The following GALNT18 variants were observed in gnomAD, a reference collection of about 807,000 sequenced individuals.
The protein encoded by GALNT18 is GalNAc-transferase 18.
GALNT18 carries 44 observed loss-of-function variants against 69.5 expected under a neutral mutation model. The ratio of observed to expected loss-of-function variants is 0.63; its 90% CI spans 0.50 to 0.81. The LOEUF is 0.81. Among genes scored for constraint, GALNT18 ranks in the 40% least tolerant of loss-of-function variants. The pLI, the probability that GALNT18 is intolerant of heterozygous loss-of-function variation, is 0.00. For synonymous variants in GALNT18, 364 were observed against 318.2 expected, an observed-to-expected ratio of 1.14 and a Z score of -1.53; for missense variants, 715 against 810.0, an observed-to-expected ratio of 0.88 and a Z score of 1.42.
chr11:11,296,921 C>CA (rs1849412532), intron 9 of GALNT18, among the ~76,000 whole-genome samples: 1 of 152,172 alleles, frequency 6.6e-6, no homozygotes, highest in South Asian at 2.1e-4. Flanking sequence ...TGCTCGAACA[C>CA]AAAAAAGGTG....
intron 1 of GALNT18, among the ~76,000 whole-genome samples, chr11:11,476,677 G>A (rs34203081): frequency 6.6e-6 from 1 of 152,072 alleles, no homozygotes; most frequent in Non-Finnish European, 1.5e-5. Flanking sequence ...CTTTTCAGGA[G>A]CGATTGCTCA....
Position 11,576,709 on chromosome 11 carries a change from G to A in GALNT18, c.235+44650C>T, listed in dbSNP as rs115272210. 4.6e-3 allele frequency among the ~76,000 whole-genome samples: 684 copies of A among 149,768 alleles called. 3 individuals are homozygous for A. The highest frequency in any genetic ancestry group is 0.017 in the African/African-American group (656 of 39,132). Reference sequence around the variant, plus strand: ...AGGGGCTGGGCCTGTTCCCTTAGCCGGGTTAGTGCATGGCACTAATGAGAT... The same window carrying A: ...AGGGGCTGGGCCTGTTCCCTTAGCCAGGTTAGTGCATGGCACTAATGAGAT... On this transcript the variant is annotated intron_variant, in intron 1 of 10. Coordinates refer to ENST00000227756, the MANE Select transcript of GALNT18 (RefSeq NM_198516.3).
chr11:11,576,396 G>C (rs1322302221), intron 1 of GALNT18, among the ~76,000 whole-genome samples: 1 of 152,240 alleles, frequency 6.6e-6, no homozygotes, highest in African/African-American at 2.4e-5. Flanking sequence ...AAAGAGATCA[G>C]CCACAAGATG....
intron 2 of GALNT18, among the ~76,000 whole-genome samples, chr11:11,442,900 C>T (rs1855563943): frequency 6.6e-6 from 1 of 152,212 alleles, no homozygotes; most frequent in Admixed American, 6.5e-5. Context: ...ACTGATAAGG[C>T]TCAGGAGCCT....
chr11:11,480,039 G>A lies in GALNT18; in HGVS notation c.236-31103C>T, dbSNP rs1351919972. 6.6e-6 allele frequency among the ~76,000 whole-genome samples: 1 copy of A among 152,076 alleles called. No homozygotes were observed. Among genetic ancestry groups the A allele is most frequent in the Non-Finnish European group, 1.5e-5 (1 of 68,026 alleles). ...CACCAGGAGGCTAGAGAAGAGAGAT[G>A]GGAGAGTTTGTAGATCTTGGAGCGG... On this transcript the variant is annotated intron_variant, in intron 1 of 10. Coordinates refer to ENST00000227756, the MANE Select transcript of GALNT18 (RefSeq NM_198516.3). This position sits in a 1 kb window ranked among gnomAD's most constrained non-coding sequence, Gnocchi z 4.6.
rs565348522 is a variant in GALNT18 at position 11,500,975 on chromosome 11, G to A, written c.236-52039C>T. ...CAGGGGCCTTGGGGCAACACCTGTC[G>A]CAGACTGGAAACTGGGCAGAACAGC... On this transcript the variant is annotated intron_variant, in intron 1 of 10. Coordinates refer to ENST00000227756, the MANE Select transcript of GALNT18 (RefSeq NM_198516.3). This position sits in a 1 kb window ranked among gnomAD's most constrained non-coding sequence, Gnocchi z 5.0. 9.2e-5 allele frequency among the ~76,000 whole-genome samples: 14 copies of A among 152,310 alleles called. No individual in the cohort carries two copies. Among genetic ancestry groups the A allele is most frequent in the South Asian group, 4.1e-4 (2 of 4,830 alleles).
At chr11:11,561,248 T>A (rs1191398859) in intron 1 of GALNT18, among the ~76,000 whole-genome samples, 1 of 152,140 alleles carries the variant, frequency 6.6e-6, no homozygotes, top group South Asian at 2.1e-4. Context: ...CTAGCCACCT[T>A]CTCTTAATAG....
At chr11:11,391,962 T>G (rs140994248) in intron 3 of GALNT18, among the ~76,000 whole-genome samples, 1 of 152,342 alleles carries the variant, frequency 6.6e-6, no homozygotes, top group East Asian at 1.9e-4. Flanking sequence ...GTGTTTCGTT[T>G]TCATAAATAT....
At chr11:11,464,529 G>A (rs974870451) in intron 1 of GALNT18, among the ~76,000 whole-genome samples, 5 of 152,190 alleles carry the variant, frequency 3.3e-5, no homozygotes, top group Admixed American at 2.6e-4. Context: ...TCAGAAAGAA[G>A]CTCCCTCGTG....
intron 1 of GALNT18, among the ~76,000 whole-genome samples, chr11:11,474,691 A>T (rs1468031968): frequency 6.6e-6 from 1 of 152,242 alleles, no homozygotes; most frequent in East Asian, 1.9e-4. Context: ...TTCAACAATC[A>T]TTGGAGATCA....
At chr11:11,277,420 G>T (rs1011879940) in intron 10 of GALNT18, among the ~76,000 whole-genome samples, 3 of 151,630 alleles carry the variant, frequency 2.0e-5, no homozygotes, top group African/African-American at 7.3e-5. Context: ...TCTGGCTAGT[G>T]GTCTATTTTG....
chr11:11,330,464 G>A (rs1849998695), intron 8 of GALNT18, among the ~76,000 whole-genome samples: 1 of 152,214 alleles, frequency 6.6e-6, no homozygotes. Context: ...ACGTGTCTCT[G>A]CTTATGTAGG....
chr11:11,579,182 C>T (rs566977275), intron 1 of GALNT18, among the ~76,000 whole-genome samples: 111 of 152,288 alleles, frequency 7.3e-4, no homozygotes, highest in Non-Finnish European at 5.0e-4. Context: ...AGCTGAGTGG[C>T]GGTGATGGCA....
chr11:11,558,165 ATT>A (rs1181954699), intron 1 of GALNT18, among the ~76,000 whole-genome samples: 2 of 152,170 alleles, frequency 1.3e-5, no homozygotes, highest in African/African-American at 4.8e-5. Context: ...TCAGATCCCC[ATT>A]TCTTTTTTAC....
At position 11,598,005 on chromosome 11, in the gene GALNT18, C is replaced by T. The variant is rs1385042854; in HGVS notation, c.235+23354G>A. Reference sequence around the variant, plus strand: ...TGCCTTTGTCAGTCTATCTAAAGTTCTGTCCATTTTATTGACCTTTTCAAA... The same window carrying T: ...TGCCTTTGTCAGTCTATCTAAAGTTTTGTCCATTTTATTGACCTTTTCAAA... On this transcript the variant is annotated intron_variant, in intron 1 of 10. Coordinates refer to ENST00000227756, the MANE Select transcript of GALNT18 (RefSeq NM_198516.3). The surrounding 1 kb of genome is among the most constrained non-coding windows in gnomAD (Gnocchi z 4.8). Among the ~76,000 whole-genome samples the T allele has an allele frequency of 1.3e-5, 2 of 152,208 alleles. No individual in the cohort carries two copies. Among genetic ancestry groups the T allele is most frequent in the African/African-American group, 2.4e-5 (1 of 41,538 alleles).
chr11:11,603,061 T>C lies in GALNT18; in HGVS notation c.235+18298A>G, dbSNP rs899713699. Among the ~76,000 whole-genome samples, 4 of 152,246 alleles carry C rather than the reference T, an allele frequency of 2.6e-5. No homozygotes were observed. The highest frequency in any genetic ancestry group is 9.6e-5 in the African/African-American group (4 of 41,472). On this transcript the variant is annotated intron_variant, in intron 1 of 10. Coordinates refer to ENST00000227756, the MANE Select transcript of GALNT18 (RefSeq NM_198516.3). This position sits in a 1 kb window ranked among gnomAD's most constrained non-coding sequence, Gnocchi z 4.5. ...GTTATCCTGAAAAGTTCAAAGGGAC[T>C]ATTGGCTGGTACAAAGTCTTCTTTG...
rs1363113202 is a variant in GALNT18, at chr11:11,383,765, C to T, written c.596-4501G>A. Reference sequence around the variant, plus strand: ...GGGGCAGTTTCCCACACGCTGTTCTCATGATAGTGAGTGAGTTCTCATGAG... The same window carrying T: ...GGGGCAGTTTCCCACACGCTGTTCTTATGATAGTGAGTGAGTTCTCATGAG... On this transcript the variant is annotated intron_variant, in intron 3 of 10. Coordinates refer to ENST00000227756, the MANE Select transcript of GALNT18 (RefSeq NM_198516.3). This position sits in a 1 kb window ranked among gnomAD's most constrained non-coding sequence, Gnocchi z 5.2. Among the ~76,000 whole-genome samples the T allele has an allele frequency of 6.6e-6, 1 of 152,044 alleles. No individual in the cohort carries two copies. Among genetic ancestry groups the T allele is most frequent in the African/African-American group, 2.4e-5 (1 of 41,382 alleles).
rs1203436888 is a variant in GALNT18, at chr11:11,584,676, C to A, written c.235+36683G>T. On this transcript the variant is annotated intron_variant, in intron 1 of 10. Transcript: ENST00000227756. The surrounding 1 kb of genome is among the most constrained non-coding windows in gnomAD (Gnocchi z 4.1). The stretch of plus-strand genomic sequence containing the variant: ...TAGTCAGTGCTATCTTATAAGCACA[C>A]ATACACATAAAGCACTTCTGCTGCA... Among the ~76,000 whole-genome samples, 2 of 152,168 alleles carry A rather than the reference C, an allele frequency of 1.3e-5. No individual in the cohort carries two copies. The highest frequency in any genetic ancestry group is 2.4e-5 in the African/African-American group (1 of 41,434).
rs934582091 is a variant in GALNT18 at position 11,505,209 on chromosome 11, T to C, written c.236-56273A>G. Among the ~76,000 whole-genome samples the C allele has an allele frequency of 1.3e-5, 2 of 152,212 alleles. No homozygotes were observed. The highest frequency in any genetic ancestry group is 2.9e-5 in the Non-Finnish European group (2 of 68,036). On this transcript the variant is annotated intron_variant, in intron 1 of 10. Coordinates refer to ENST00000227756, the MANE Select transcript of GALNT18 (RefSeq NM_198516.3). The surrounding 1 kb of genome is among the most constrained non-coding windows in gnomAD (Gnocchi z 4.6). Reference sequence around the variant, plus strand: ...GAGTAAATGGCATGATATTTTGTAGTACACACACTCCAGGCAACTGGTTGT... The same window carrying C: ...GAGTAAATGGCATGATATTTTGTAGCACACACACTCCAGGCAACTGGTTGT...
Sources: allele counts gnomAD v4.1 joint callset (sites outside exome capture counted in the v4.1 genomes callset), GRCh38; gene constraint gnomAD v4.1.1; non-coding constraint Gnocchi (gnomAD v3.1); transcripts MANE v1.5; gene names NCBI Gene and HGNC (gene_info 2026-07-23, HGNC 2026-07-21).